Variants in MTX2 observed in about 807,000 individuals in gnomAD.
MTX2 encodes the protein metaxin-2.
A neutral mutation model predicts 42.3 loss-of-function variants in MTX2; 35 were observed. The observed-to-expected ratio is 0.83, with a 90% CI of 0.63 to 1.10. The LOEUF is 1.10. Ranked by LOEUF, MTX2 falls within the 50% of genes least tolerant of loss-of-function variation. MTX2 has a pLI of 0.00. For missense variants in MTX2, 307 were observed against 304.1 expected (o/e 1.01, Z -0.07); for synonymous variants, 119 against 100.9 (o/e 1.18, Z -1.08).
Position 176,337,849 on chromosome 2 carries a change from TTAATC to T in MTX2, c.*187_*191del, listed in dbSNP as rs978223411. 5.5e-4 allele frequency: 252 copies of T among 459,772 alleles called. 27 individuals are homozygous for T. The highest frequency in any genetic ancestry group is 6.2e-5 in the South Asian group (1 of 16,064). The allele number at this position is 459,772 out of a possible 1,614,324, so 28.5% of individuals were successfully genotyped here. On this transcript the variant is annotated 3_prime_UTR_variant, in exon 10 of 10. Transcript: ENST00000249442. ...ATACATTAAAATAATTCTGAATTAT[TTAATC>T]TGATATGTTGTATTCTGTATCTTGA...
intron 1 of MTX2, among the ~76,000 whole-genome samples, chr2:176,283,283 C>G (rs904974203): frequency 6.6e-6 from 1 of 152,162 alleles, no homozygotes; most frequent in Non-Finnish European, 1.5e-5. Context: ...AAAATTAGAT[C>G]CTAGAGGGCA....
chr2:176,288,528 G>T (rs1036996640), intron 1 of MTX2, among the ~76,000 whole-genome samples: 2 of 151,314 alleles, frequency 1.3e-5, no homozygotes, highest in African/African-American at 2.4e-5. Flanking sequence ...GGCTACCCAT[G>T]TTTCTTGCTC....
intron 9 of MTX2, among the ~76,000 whole-genome samples, chr2:176,333,561 G>A (rs1166764009): frequency 6.6e-6 from 1 of 151,562 alleles, no homozygotes; most frequent in African/African-American, 2.4e-5. Context: ...ATATATGTCA[G>A]AGTCAGTGTA....
chr2:176,314,129 G>C (rs750424200), intron 3 of MTX2, among the ~76,000 whole-genome samples: 2 of 151,734 alleles, frequency 1.3e-5, no homozygotes, highest in African/African-American at 4.8e-5. Context: ...CCTTACTCGT[G>C]TCAGAAACCA....
At chr2:176,286,512 C>A (rs1339614375) in intron 1 of MTX2, among the ~76,000 whole-genome samples, 1 of 151,012 alleles carries the variant, frequency 6.6e-6, no homozygotes, top group Non-Finnish European at 1.5e-5. Context: ...CTTGGGTATT[C>A]TACTGTCCTC....
At position 176,330,616 on chromosome 2, in the gene MTX2, T is replaced by C. The variant is rs755343698; in HGVS notation, c.576T>C (p.Ala192=). The C allele has an allele frequency of 5.6e-6, 9 of 1,595,170 alleles. No individual in the cohort carries two copies. Among genetic ancestry groups the C allele is most frequent in the Non-Finnish European group, 2.6e-6 (3 of 1,167,642 alleles). Reference sequence around the variant, plus strand: ...AGGATGTAGACCAGTGCTGTCAAGCTCTCTCTCAAAGACTGGGAACACAAC... The same window carrying C: ...AGGATGTAGACCAGTGCTGTCAAGCCCTCTCTCAAAGACTGGGAACACAAC... ...VLEDVDQCCQ[A]LSQRLGTQPY... The change falls in exon 9 of 10, where the codon GCT becomes GCC. Residue 192 remains alanine (A), a synonymous_variant. Transcript: ENST00000249442.
At chr2:176,286,503 T>G (rs1693205958) in intron 1 of MTX2, among the ~76,000 whole-genome samples, 1 of 152,100 alleles carries the variant, frequency 6.6e-6, no homozygotes, top group African/African-American at 2.4e-5. Context: ...CCCATCTGCC[T>G]TGGGTATTCT....
rs148831038 is a variant in MTX2, at chr2:176,337,544, C to G, written c.672C>G (p.Thr224=). The G allele has an allele frequency of 1.3e-4, 213 of 1,613,054 alleles. No homozygotes were observed. The highest frequency in any genetic ancestry group is 9.9e-4 in the Middle Eastern group (6 of 6,054). The change falls in exon 10 of 10, where the codon ACC becomes ACG. Residue 224 remains threonine, a synonymous_variant. Transcript: ENST00000249442. ...TTGGCCATCTATACACCATTCTTAC[C>G]ACACAATTGACAAATGATGAACTTT... is the stretch of plus-strand genomic sequence containing the variant. The part of the protein sequence containing the change: ...LVFGHLYTIL[T]TQLTNDELSE...
At chr2:176,319,157 A>G (rs1684514404) in intron 3 of MTX2, among the ~76,000 whole-genome samples, 1 of 152,200 alleles carries the variant, frequency 6.6e-6, no homozygotes, top group East Asian at 1.9e-4. Context: ...CATTATTATA[A>G]TTTGAAATAC....
At chr2:176,292,156 C>T (rs1469719764) in intron 1 of MTX2, among the ~76,000 whole-genome samples, 1 of 152,012 alleles carries the variant, frequency 6.6e-6, no homozygotes, top group Non-Finnish European at 1.5e-5. Flanking sequence ...CTTTCAGTCT[C>T]ACCTTCTGTG....
intron 3 of MTX2, among the ~76,000 whole-genome samples, chr2:176,320,822 G>A (rs1398046465): frequency 6.6e-6 from 1 of 151,638 alleles, no homozygotes; most frequent in Non-Finnish European, 1.5e-5. Context: ...AGCCTCTTGA[G>A]TAGCTGAGAC....
At chr2:176,304,374 G>A (rs1487219787) in intron 3 of MTX2, 1 of 153,410 alleles carries the variant, frequency 6.5e-6, no homozygotes, top group Non-Finnish European at 1.5e-5. Context: ...AGGTACAAAG[G>A]AATTTGTTAT....
chr2:176,320,109 G>T (rs544436207), intron 3 of MTX2, among the ~76,000 whole-genome samples: 1 of 152,086 alleles, frequency 6.6e-6, no homozygotes. Context: ...TCATTTAATT[G>T]GTAAAATTGT....
At chr2:176,326,464 A>T (rs902167175) in intron 4 of MTX2, among the ~76,000 whole-genome samples, 2 of 151,718 alleles carry the variant, frequency 1.3e-5, no homozygotes, top group African/African-American at 4.8e-5. Context: ...TCTTTGAAAT[A>T]TATCAGTGGT....
rs151072944 is a variant in MTX2 at position 176,284,914 on chromosome 2, T to G, written c.41-11946T>G. On this transcript the variant is annotated intron_variant, in intron 1 of 9. Transcript: ENST00000249442. ...ATTGCTTGTTAAAGGTGCAGATTTT[T>G]GGTCCTCATCTCTACAGTATCAGAA... 3.2e-4 allele frequency among the ~76,000 whole-genome samples: 49 copies of G among 152,338 alleles called. 2 individuals are homozygous for G. The highest frequency in any genetic ancestry group is 1.0e-3 in the African/African-American group (43 of 41,572).
intron 3 of MTX2, among the ~76,000 whole-genome samples, chr2:176,310,801 A>C (rs1224518183): frequency 6.6e-6 from 1 of 151,902 alleles, no homozygotes; most frequent in African/African-American, 2.4e-5. Context: ...CATTCGTCTA[A>C]CCTTTTTTCA....
chr2:176,269,733 A>G, intron 1 of MTX2, 64 bp downstream of exon 1: 2 of 1,523,242 alleles, frequency 1.3e-6, no homozygotes, highest in Non-Finnish European at 1.8e-6. Context: ...CGTGGGGTAC[A>G]GGGCTGGAGC....
intron 9 of MTX2, 147 bp downstream of exon 9, chr2:176,330,807 A>G (rs1202676432): frequency 1.0e-5 from 6 of 594,856 alleles, no homozygotes; most frequent in Non-Finnish European, 1.5e-5. Context: ...CTTTACTCTC[A>G]GGCACAGTGC....
intron 1 of MTX2, among the ~76,000 whole-genome samples, chr2:176,286,212 G>T (rs1693196911): frequency 6.6e-6 from 1 of 152,082 alleles, no homozygotes. Context: ...TAAAAATTGG[G>T]TTATGTTGTC....
Sources: gnomAD v4.1 joint callset for allele counts (sites outside exome capture counted in the v4.1 genomes callset) on GRCh38, gnomAD v4.1.1 for gene constraint, MANE v1.5 for transcripts, NCBI Gene and HGNC (gene_info 2026-07-23, HGNC 2026-07-21) for gene names.